ITGB5: variants seen among roughly 807,000 people sequenced by gnomAD.
The protein encoded by ITGB5 is integrin subunit beta 5.
In ITGB5, 38 loss-of-function variants were observed where a neutral mutation model predicts 84.8. The observed-to-expected ratio is 0.45, with a 90% CI of 0.35 to 0.59. The LOEUF (loss-of-function observed/expected upper bound fraction) is 0.59. Ranked by LOEUF, ITGB5 falls within the 20% of genes least tolerant of loss-of-function variation. The pLI is 0.01. For missense variants in ITGB5, 905 were observed against 1,034.5 expected (o/e 0.87, Z 1.72); for synonymous variants, 393 against 414.4 (o/e 0.95, Z 0.63).
At chr3:124,888,469 T>C (rs1470976095), upstream of ITGB5, among the ~76,000 whole-genome samples, 2 of 152,002 alleles carry the variant, frequency 1.3e-5, no homozygotes, top group Non-Finnish European at 2.9e-5. Flanking sequence ...TACAAGTGCG[T>C]TTAGAGTGGA....
At chr3:124,808,838 C>A (rs1346818240) in intron 9 of ITGB5, among the ~76,000 whole-genome samples, 184 bp downstream of exon 9, 1 of 152,200 alleles carries the variant, frequency 6.6e-6, no homozygotes, top group Non-Finnish European at 1.5e-5. Context: ...GGCTCTTTAA[C>A]AAGTTCACCT....
At chr3:124,898,851 G>A (rs1390587493) in intron 1 of ITGB5, among the ~76,000 whole-genome samples, 3 of 150,724 alleles carry the variant, frequency 2.0e-5, no homozygotes, top group Non-Finnish European at 4.4e-5. Context: ...CGAGGCAGGC[G>A]GATCACCTGA....
At chr3:124,868,256 T>C (rs1212876897) in intron 2 of ITGB5, among the ~76,000 whole-genome samples, 2 of 152,056 alleles carry the variant, frequency 1.3e-5, no homozygotes, top group African/African-American at 2.4e-5. Flanking sequence ...GACTAATACA[T>C]GTGTCTTAAG....
At chr3:124,808,589 G>C (rs969235460) in intron 9 of ITGB5, among the ~76,000 whole-genome samples, 1 of 149,514 alleles carries the variant, frequency 6.7e-6, no homozygotes, top group Non-Finnish European at 1.5e-5. Context: ...AAACAGAATG[G>C]GGGGAGTGGC....
At chr3:124,858,622 TGA>T (rs2065252117) in intron 3 of ITGB5, among the ~76,000 whole-genome samples, 1 of 152,126 alleles carries the variant, frequency 6.6e-6, no homozygotes, top group Non-Finnish European at 1.5e-5. Flanking sequence ...TTACACTTAG[TGA>T]AACAAGTCAA....
intron 3 of ITGB5, among the ~76,000 whole-genome samples, chr3:124,855,787 C>T (rs761416309): frequency 6.6e-6 from 1 of 152,160 alleles, no homozygotes; most frequent in Non-Finnish European, 1.5e-5. Context: ...AACATAGGAT[C>T]ACGGTTTCCA....
rs578248399 is a variant in ITGB5, at chr3:124,819,773, A to G, written c.1004T>C (p.Phe335Ser). Residue 335 changes from phenylalanine (F) to serine (S), a missense_variant, in exon 7 of 15, where the codon TTT becomes TCT. Physicochemically the swap from Phe to Ser is radical, Grantham distance 155 (BLOSUM62 -2). Transcript: ENST00000296181. ...KLAENNINLI[F>S]AVTKNHYMLY... ...CATATAATGGTTTTTTGTCACTGCA[A>G]AGATGAGGTTGATGTTGTTCTCTGC... 6.2e-7 allele frequency: 1 copy of G among 1,614,036 alleles called. No individual in the cohort carries two copies. The highest frequency in any genetic ancestry group is 8.5e-7 in the Non-Finnish European group (1 of 1,179,920).
At position 124,833,713 on chromosome 3, in the gene ITGB5, G is replaced by T. The variant is rs564684747; in HGVS notation, c.780+7670C>A. On this transcript the variant is annotated intron_variant, in intron 5 of 14. Coordinates refer to ENST00000296181, the MANE Select transcript of ITGB5 (RefSeq NM_002213.5). ...AACCTGGTATTCCTGAACTTCAGAA[G>T]CATAAAGGCACCTGTGAGAATGAAG... 5.3e-5 allele frequency among the ~76,000 whole-genome samples: 8 copies of T among 152,348 alleles called. No individual in the cohort carries two copies. In the South Asian group the frequency reaches 1.0e-3, roughly 20 times the overall value.
intron 9 of ITGB5, among the ~76,000 whole-genome samples, chr3:124,801,735 T>C (rs1559940851): frequency 6.6e-6 from 1 of 152,214 alleles, no homozygotes; most frequent in Non-Finnish European, 1.5e-5. Flanking sequence ...TCCCAACTCC[T>C]GCCACCAAAG....
intron 13 of ITGB5, 117 bp from the exon 14 acceptor site, chr3:124,764,674 T>A: frequency 1.1e-6 from 1 of 943,628 alleles, no homozygotes; most frequent in East Asian, 2.6e-5. Context: ...TCTCCTCGGC[T>A]CTCCCTTAGA....
At chr3:124,765,561 A>G (rs186376997) in intron 13 of ITGB5, among the ~76,000 whole-genome samples, 1 of 152,296 alleles carries the variant, frequency 6.6e-6, no homozygotes, top group East Asian at 1.9e-4. Context: ...CAGGGTAGGT[A>G]TGTTCTGTGG....
At chr3:124,774,967 C>T (rs2063902588) in intron 10 of ITGB5, among the ~76,000 whole-genome samples, 1 of 152,238 alleles carries the variant, frequency 6.6e-6, no homozygotes, top group South Asian at 2.1e-4. Flanking sequence ...CAGCTAGTGG[C>T]AGCAGAGCCA....
chr3:124,808,238 C>G (rs1487017473), intron 9 of ITGB5, among the ~76,000 whole-genome samples: 1 of 152,146 alleles, frequency 6.6e-6, no homozygotes, highest in Non-Finnish European at 1.5e-5. Flanking sequence ...TTGTTTCTAA[C>G]TAGATTCTTT....
At chr3:124,794,318 G>A (rs188568061) in intron 10 of ITGB5, among the ~76,000 whole-genome samples, 1 of 152,280 alleles carries the variant, frequency 6.6e-6, no homozygotes. Context: ...TGGAATCAGT[G>A]TAAACTCCTG....
intron 1 of ITGB5, among the ~76,000 whole-genome samples, chr3:124,896,743 T>A: frequency 1.6e-5 from 1 of 63,546 alleles, no homozygotes; most frequent in African/African-American, 6.0e-5. Context: ...TGAGACCTTG[T>A]CTTAAAAAAA....
intron 3 of ITGB5, among the ~76,000 whole-genome samples, chr3:124,853,624 A>G (rs190891734): frequency 1.0e-3 from 159 of 152,328 alleles, no homozygotes; most frequent in Middle Eastern, 3.4e-3. Context: ...TGCAGAAGCA[A>G]TACCTAAAAA....
At chr3:124,776,656 G>C (rs1316740958) in intron 10 of ITGB5, among the ~76,000 whole-genome samples, 1 of 152,126 alleles carries the variant, frequency 6.6e-6, no homozygotes, top group Admixed American at 6.5e-5. Flanking sequence ...TACGGCTCTG[G>C]CACTCTCTGA....
At chr3:124,879,492 T>C (rs1413324608) in intron 1 of ITGB5, among the ~76,000 whole-genome samples, 1 of 152,250 alleles carries the variant, frequency 6.6e-6, no homozygotes, top group Non-Finnish European at 1.5e-5. Flanking sequence ...AATAGCCATA[T>C]GTCTAAATGT....
intron 5 of ITGB5, among the ~76,000 whole-genome samples, chr3:124,840,071 G>C (rs979741925): frequency 5.9e-5 from 9 of 152,168 alleles, no homozygotes; most frequent in African/African-American, 1.9e-4. Flanking sequence ...AGGACAACTG[G>C]GGTTTTCTTC....
Sources: gnomAD v4.1 joint callset for allele counts (sites outside exome capture counted in the v4.1 genomes callset) on GRCh38, gnomAD v4.1.1 for gene constraint, MANE v1.5 for transcripts, NCBI Gene and HGNC (gene_info 2026-07-23, HGNC 2026-07-21) for gene names.